Variants in CORO2B observed in about 807,000 individuals in gnomAD.
CORO2B encodes coronin-2B.
CORO2B carries 26 observed loss-of-function variants against 58.8 expected under a neutral mutation model. The observed-to-expected ratio is 0.44, with a 90% CI of 0.32 to 0.61. CORO2B has a LOEUF of 0.61. Ranked by LOEUF, CORO2B falls within the 20% of genes least tolerant of loss-of-function variation. The probability of loss-of-function intolerance (pLI) is 0.04; values close to 1 mark genes in which losing one functional copy is unlikely to be tolerated. For synonymous variants in CORO2B, 242 were observed against 253.8 expected, an observed-to-expected ratio of 0.95 and a Z score of 0.44; for missense variants, 460 against 645.1, an observed-to-expected ratio of 0.71 and a Z score of 3.11.
At chr15:68,552,284 C>T in the CORO2B span, among the ~76,000 whole-genome samples, 2 of 152,142 alleles carry the variant, frequency 1.3e-5, no homozygotes, top group Non-Finnish European at 2.9e-5. Flanking sequence ...GCCTGGGACA[C>T]CTTGGCCCCC....
intron 1 of CORO2B, among the ~76,000 whole-genome samples, chr15:68,598,445 A>G (rs1899894904): frequency 6.6e-6 from 1 of 152,164 alleles, no homozygotes; most frequent in South Asian, 2.1e-4. Context: ...CCTTCTGGGG[A>G]AAAAATGATC....
At chr15:68,664,864 C>A (rs890695600) in intron 2 of CORO2B, among the ~76,000 whole-genome samples, 2 of 151,902 alleles carry the variant, frequency 1.3e-5, no homozygotes, top group Non-Finnish European at 2.9e-5. Context: ...TTTATAGGGT[C>A]TTTGATTAAT....
chr15:68,661,520 C>T (rs1902014107), intron 2 of CORO2B, among the ~76,000 whole-genome samples: 1 of 152,152 alleles, frequency 6.6e-6, no homozygotes, highest in Non-Finnish European at 1.5e-5. Flanking sequence ...TTAATCTTTT[C>T]CCTTCAAGAC....
the CORO2B span, among the ~76,000 whole-genome samples, chr15:68,537,055 T>C: frequency 3.0e-3 from 452 of 152,346 alleles, 1 homozygote; most frequent in African/African-American, 0.01. Flanking sequence ...ACTTTTATTT[T>C]GGATTTTGTG....
intron 1 of CORO2B, among the ~76,000 whole-genome samples, chr15:68,621,247 T>G (rs1595972488): frequency 6.6e-6 from 1 of 151,984 alleles, no homozygotes; most frequent in African/African-American, 2.4e-5. Context: ...CACAGACAAA[T>G]CACACACTGC....
intron 2 of CORO2B, among the ~76,000 whole-genome samples, chr15:68,681,713 CAG>C (rs1003098948): frequency 3.4e-4 from 52 of 151,802 alleles, no homozygotes; most frequent in Admixed American, 1.1e-3. Context: ...TCTGATAAGA[CAG>C]AGAAAGGGGA....
intron 1 of CORO2B, among the ~76,000 whole-genome samples, chr15:68,598,528 A>G (rs983971400): frequency 2.6e-5 from 4 of 152,242 alleles, no homozygotes; most frequent in African/African-American, 9.6e-5. Context: ...GAGAGAAGCC[A>G]GAAGGAGTTC....
At chr15:68,692,360 G>A (rs767595604) in intron 2 of CORO2B, among the ~76,000 whole-genome samples, 12 of 152,026 alleles carry the variant, frequency 7.9e-5, no homozygotes, top group African/African-American at 1.7e-4. Context: ...CAAAGCAGGC[G>A]GATCACCTGA....
chr15:68,714,361 G>T (rs1411168778), intron 6 of CORO2B, among the ~76,000 whole-genome samples, 198 bp from the exon 7 acceptor site: 1 of 152,152 alleles, frequency 6.6e-6, no homozygotes, highest in Non-Finnish European at 1.5e-5. Flanking sequence ...CCTCCTGTTT[G>T]TAAGACCCTT....
In CORO2B at chr15:68,645,104, A is replaced by C; in HGVS notation, c.16-56A>C. On this transcript the variant is annotated intron_variant, in intron 1 of 11. Coordinates refer to ENST00000261861, the MANE Select transcript of CORO2B (RefSeq NM_006091.5). The surrounding 1 kb of genome is among the most constrained non-coding windows in gnomAD (Gnocchi z 4.5). The stretch of plus-strand genomic sequence containing the variant: ...CTTCCCTCCCCCAAGAGCCCAGCCG[A>C]GGCCCTTCATGGCACAGGGCCCAGC... 6.4e-7 allele frequency: 1 copy of C among 1,568,534 alleles called. No homozygotes were observed. The highest frequency in any genetic ancestry group is 8.7e-7 in the Non-Finnish European group (1 of 1,148,724).
intron 1 of CORO2B, among the ~76,000 whole-genome samples, chr15:68,635,778 G>C (rs1901015860): frequency 6.6e-6 from 1 of 152,210 alleles, no homozygotes; most frequent in Non-Finnish European, 1.5e-5. Flanking sequence ...TAGGGGGATG[G>C]ACAAGGTTTG....
chr15:68,581,360 G>A (rs965654571), intron 1 of CORO2B, among the ~76,000 whole-genome samples: 5 of 152,192 alleles, frequency 3.3e-5, no homozygotes, highest in Admixed American at 2.0e-4. Flanking sequence ...ACAGACCAGC[G>A]TGTTCTTGTG....
At chr15:68,708,632 G>A (rs1270913685) in intron 3 of CORO2B, among the ~76,000 whole-genome samples, 4 of 151,738 alleles carry the variant, frequency 2.6e-5, no homozygotes, top group African/African-American at 9.7e-5. Flanking sequence ...AAAGTGCTGG[G>A]ATTACAGGCG....
chr15:68,561,386 A>C, the CORO2B span, among the ~76,000 whole-genome samples: 2 of 146,046 alleles, frequency 1.4e-5, no homozygotes, highest in African/African-American at 2.5e-5. Context: ...TCCCTCCCCG[A>C]CTCTCCCCTG....
At chr15:68,599,759 G>C (rs907635511) in intron 1 of CORO2B, among the ~76,000 whole-genome samples, 13 of 152,284 alleles carry the variant, frequency 8.5e-5, no homozygotes, top group Non-Finnish European at 1.8e-4. Flanking sequence ...CCCCTCCCCT[G>C]GGAGGCTGCC....
chr15:68,538,502 T>C, the CORO2B span, among the ~76,000 whole-genome samples: 1 of 152,196 alleles, frequency 6.6e-6, no homozygotes, highest in Admixed American at 6.5e-5. Flanking sequence ...TCCTGGGCGT[T>C]GCCCTGGCAT....
the CORO2B span, among the ~76,000 whole-genome samples, chr15:68,567,799 A>G: frequency 1.3e-5 from 2 of 152,192 alleles, no homozygotes; most frequent in Non-Finnish European, 2.9e-5. Context: ...AGGCAGGTGG[A>G]TCACGAGGTC....
At chr15:68,718,192 T>A (rs1893076171) in intron 8 of CORO2B, among the ~76,000 whole-genome samples, 1 of 152,206 alleles carries the variant, frequency 6.6e-6, no homozygotes, top group Admixed American at 6.5e-5. Flanking sequence ...CTAGGAGACA[T>A]AGAACAGAAC....
At chr15:68,557,603 C>A in the CORO2B span, among the ~76,000 whole-genome samples, 2 of 152,250 alleles carry the variant, frequency 1.3e-5, no homozygotes, top group African/African-American at 4.8e-5. Context: ...AAGGGAAGGG[C>A]AGCATCCTAA....
Sources: allele counts gnomAD v4.1 joint callset (sites outside exome capture counted in the v4.1 genomes callset), GRCh38; gene constraint gnomAD v4.1.1; non-coding constraint Gnocchi (gnomAD v3.1); transcripts MANE v1.5; gene names NCBI Gene and HGNC (gene_info 2026-07-23, HGNC 2026-07-21).